The following TMEM132C variants were observed in gnomAD, a reference collection of about 807,000 sequenced individuals.
The protein encoded by TMEM132C is transmembrane protein 132C, also known as protein phosphatase 1, regulatory subunit 152.
TMEM132C carries 29 observed loss-of-function variants against 61.4 expected under a neutral mutation model. The observed-to-expected ratio is 0.47, with a 90% CI of 0.35 to 0.64. The LOEUF is 0.64. Among genes scored for constraint, TMEM132C ranks in the 30% least tolerant of loss-of-function variants. The pLI is 0.00. For missense variants in TMEM132C, 1,408 were observed against 1,476.9 expected (o/e 0.95, Z 0.76); for synonymous variants, 656 against 633.1 (o/e 1.04, Z -0.54).
At chr12:128,413,315 A>AAAAC (rs1868634058) in intron 1 of TMEM132C, among the ~76,000 whole-genome samples, 1 of 150,662 alleles carries the variant, frequency 6.6e-6, no homozygotes, top group Admixed American at 6.6e-5. Flanking sequence ...AAAAAAAAAA[A>AAAAC]AAAAAACCAA....
chr12:128,291,600 C>T (rs965792849), intron 1 of TMEM132C, among the ~76,000 whole-genome samples: 2 of 152,214 alleles, frequency 1.3e-5, no homozygotes, highest in Non-Finnish European at 2.9e-5. Flanking sequence ...GCTCAGTTGT[C>T]CTGCTGTTCC....
chr12:128,645,642 C>T (rs2135602452), intron 4 of TMEM132C, among the ~76,000 whole-genome samples: 1 of 152,382 alleles, frequency 6.6e-6, no homozygotes, highest in South Asian at 2.1e-4. Flanking sequence ...TCATCCCTCT[C>T]TTGGAAGTGT....
At chr12:128,436,056 C>T (rs1869577912) in intron 2 of TMEM132C, among the ~76,000 whole-genome samples, 3 of 152,104 alleles carry the variant, frequency 2.0e-5, no homozygotes, top group African/African-American at 7.2e-5. Context: ...GGAAAGGATT[C>T]CCTATTTAAT....
At chr12:128,291,648 A>G (rs996905771) in intron 1 of TMEM132C, among the ~76,000 whole-genome samples, 3 of 152,112 alleles carry the variant, frequency 2.0e-5, no homozygotes, top group African/African-American at 7.2e-5. Flanking sequence ...ATCCCACTCA[A>G]TACCTGTGCT....
intron 4 of TMEM132C, among the ~76,000 whole-genome samples, chr12:128,662,082 T>A (rs1351543245): frequency 6.6e-6 from 1 of 152,306 alleles, no homozygotes; most frequent in Non-Finnish European, 1.5e-5. Context: ...TTTTCTCTTT[T>A]GTAAAAGAAA....
intron 2 of TMEM132C, among the ~76,000 whole-genome samples, chr12:128,540,390 A>T (rs573652966): frequency 6.6e-6 from 1 of 152,134 alleles, no homozygotes; most frequent in Non-Finnish European, 1.5e-5. Context: ...AGTAGCTGGG[A>T]CTACAGGCAT....
chr12:128,333,873 TGA>T (rs547496061), intron 1 of TMEM132C, among the ~76,000 whole-genome samples: 235 of 151,586 alleles, frequency 1.6e-3, no homozygotes, highest in Non-Finnish European at 2.9e-3. Context: ...TGTTTATGTG[TGA>T]GAGTGTGTGC....
intron 1 of TMEM132C, among the ~76,000 whole-genome samples, chr12:128,328,163 T>G (rs774736479): frequency 6.6e-6 from 1 of 152,128 alleles, no homozygotes; most frequent in East Asian, 1.9e-4. Context: ...AAGCGGGTGA[T>G]TGGAAAGCTT....
chr12:128,452,399 C>T lies in TMEM132C; in HGVS notation c.974+36779C>T, dbSNP rs575274326. Among the ~76,000 whole-genome samples the T allele has an allele frequency of 1.3e-3, 190 of 151,340 alleles. 1 individual carries two copies. Among genetic ancestry groups the T allele is most frequent in the South Asian group, 3.8e-3 (18 of 4,724 alleles). On this transcript the variant is annotated intron_variant, in intron 2 of 8. Coordinates refer to ENST00000435159, the MANE Select transcript of TMEM132C (RefSeq NM_001136103.3). ...ACAGGTGTGAGCCACCACGCCTGGT[C>T]GCAATTTTCACAAGTGTGTTAATAC...
chr12:128,555,067 G>GC (rs1322604384), intron 3 of TMEM132C, among the ~76,000 whole-genome samples: 3 of 152,166 alleles, frequency 2.0e-5, no homozygotes, highest in African/African-American at 7.2e-5. Flanking sequence ...TCAAGAGCCA[G>GC]CATCGTGCTT....
chr12:128,427,428 G>GTGTGTGTATA (rs1359402190), intron 2 of TMEM132C, among the ~76,000 whole-genome samples: 6 of 129,196 alleles, frequency 4.6e-5, no homozygotes, highest in African/African-American at 8.9e-5. Context: ...GTGTGTGTGT[G>GTGTGTGTATA]TATATATATT....
intron 1 of TMEM132C, among the ~76,000 whole-genome samples, chr12:128,318,981 G>C (rs182918128): frequency 2.6e-5 from 4 of 152,206 alleles, no homozygotes; most frequent in Non-Finnish European, 4.4e-5. Flanking sequence ...TAGAGCTTAC[G>C]CATCTCCATC....
intron 3 of TMEM132C, among the ~76,000 whole-genome samples, chr12:128,588,909 A>C (rs930798179): frequency 5.3e-5 from 8 of 152,164 alleles, no homozygotes; most frequent in African/African-American, 1.7e-4. Flanking sequence ...GTGTAAGAAG[A>C]GAAAGTCAGG....
intron 2 of TMEM132C, among the ~76,000 whole-genome samples, chr12:128,524,504 C>T (rs1447917764): frequency 6.6e-6 from 1 of 152,120 alleles, no homozygotes; most frequent in African/African-American, 2.4e-5. Flanking sequence ...CTGTTGTTCA[C>T]CTTTTTTTTC....
chr12:128,584,800 G>C (rs552331421), intron 3 of TMEM132C, among the ~76,000 whole-genome samples: 2 of 152,120 alleles, frequency 1.3e-5, no homozygotes, highest in African/African-American at 4.8e-5. Flanking sequence ...GGCGAGGGCC[G>C]GGGGGTCTTT....
intron 3 of TMEM132C, among the ~76,000 whole-genome samples, chr12:128,583,311 G>GT (rs757278956): frequency 2.0e-5 from 3 of 149,520 alleles, no homozygotes; most frequent in African/African-American, 4.9e-5. Flanking sequence ...AGAGTTTTTT[G>GT]AAAATGCAAA....
At chr12:128,539,482 G>A (rs1372338498) in intron 2 of TMEM132C, among the ~76,000 whole-genome samples, 1 of 152,178 alleles carries the variant, frequency 6.6e-6, no homozygotes, top group East Asian at 1.9e-4. Context: ...GCTGGGCGTG[G>A]CGGTGGTCGC....
chr12:128,568,997 C>G (rs1282414563), intron 3 of TMEM132C, among the ~76,000 whole-genome samples: 1 of 152,202 alleles, frequency 6.6e-6, no homozygotes, highest in East Asian at 1.9e-4. Flanking sequence ...AGACCCTGCT[C>G]TCTCATGGCT....
chr12:128,386,912 T>C (rs1444131448), intron 1 of TMEM132C, among the ~76,000 whole-genome samples: 2 of 151,974 alleles, frequency 1.3e-5, no homozygotes, highest in Admixed American at 6.6e-5. Context: ...GAGAATCCCT[T>C]GAAGCCAGGA....
Sources: gnomAD v4.1 joint callset for allele counts (sites outside exome capture counted in the v4.1 genomes callset) on GRCh38, gnomAD v4.1.1 for gene constraint, MANE v1.5 for transcripts, NCBI Gene and HGNC (gene_info 2026-07-23, HGNC 2026-07-21) for gene names.